Variants in DAB1 observed in about 807,000 individuals in gnomAD.
DAB1 encodes DAB adaptor protein 1, also known as disabled homolog 1.
A neutral mutation model predicts 64.6 loss-of-function variants in DAB1; 15 were observed. That is an observed-to-expected ratio of 0.23 (90% CI 0.16 to 0.36). The LOEUF (loss-of-function observed/expected upper bound fraction) is 0.36. DAB1 is among the 10% of genes least tolerant of loss of function. The pLI, the probability that DAB1 is intolerant of heterozygous loss-of-function variation, is 1.00. For missense variants in DAB1, 596 were observed against 706.7 expected (o/e 0.84, Z 1.78); for synonymous variants, 235 against 251.9 (o/e 0.93, Z 0.64).
chr1:57,989,970 G>T (rs1187998), intron 5 of DAB1, among the ~76,000 whole-genome samples: 129,726 of 152,080 alleles, frequency 0.85, 55,721 homozygotes, highest in South Asian at 0.95. Context: ...AGGTAAATCA[G>T]GCACCATTTC....
intron 1 of DAB1, among the ~76,000 whole-genome samples, chr1:57,847,622 G>A (rs1653348597): frequency 6.6e-6 from 1 of 152,072 alleles, no homozygotes; most frequent in African/African-American, 2.4e-5. Flanking sequence ...ACATTTCAAA[G>A]TAGAATTCAG....
intron 1 of DAB1, among the ~76,000 whole-genome samples, chr1:57,351,751 C>T (rs1488959844): frequency 6.6e-6 from 1 of 152,088 alleles, no homozygotes; most frequent in Non-Finnish European, 1.5e-5. Flanking sequence ...GCAAGCAGAA[C>T]TCAGCTAAGG....
intron 1 of DAB1, chr1:57,862,493 A>C (rs550321829): frequency 6.6e-6 from 1 of 152,202 alleles, no homozygotes; most frequent in African/African-American, 2.4e-5. Flanking sequence ...TGCTCCGCTT[A>C]GGGAACTTGG....
chr1:57,741,629 A>T (rs1647999901), intron 6 of DAB1, among the ~76,000 whole-genome samples: 2 of 152,252 alleles, frequency 1.3e-5, no homozygotes, highest in Admixed American at 1.3e-4. Context: ...GAGTGAAAGC[A>T]GACTGCTTCT....
intron 1 of DAB1, among the ~76,000 whole-genome samples, chr1:57,392,379 A>G (rs1682452836): frequency 6.6e-6 from 1 of 152,118 alleles, no homozygotes; most frequent in South Asian, 2.1e-4. Flanking sequence ...CAAAACAACA[A>G]CAACAACGAC....
chr1:57,603,379 A>T (rs1378508679), intron 7 of DAB1, among the ~76,000 whole-genome samples: 1 of 152,150 alleles, frequency 6.6e-6, no homozygotes, highest in African/African-American at 2.4e-5. Context: ...TTATTTTCCT[A>T]TAGCCCGGAA....
intron 1 of DAB1, among the ~76,000 whole-genome samples, chr1:57,378,174 C>T (rs1369341099): frequency 6.6e-6 from 1 of 152,164 alleles, no homozygotes; most frequent in Admixed American, 6.6e-5. Flanking sequence ...AAAAGACGTC[C>T]AGCTCAAACC....
At chr1:57,120,338 A>C (rs924934525) in intron 4 of DAB1, among the ~76,000 whole-genome samples, 1 of 152,190 alleles carries the variant, frequency 6.6e-6, no homozygotes, top group African/African-American at 2.4e-5. Context: ...CTACAAGGTA[A>C]GGGTTTAGTA....
At chr1:57,746,759 C>A (rs369816837) in intron 6 of DAB1, among the ~76,000 whole-genome samples, 265 of 152,060 alleles carry the variant, frequency 1.7e-3, no homozygotes, top group African/African-American at 6.1e-3. Context: ...ATTTTTATTT[C>A]TATTATTTTG....
chr1:57,246,006 T>G (rs1668844075), intron 2 of DAB1, among the ~76,000 whole-genome samples: 1 of 152,180 alleles, frequency 6.6e-6, no homozygotes, highest in South Asian at 2.1e-4. Flanking sequence ...GAACTTATAT[T>G]TAAAAGGGAA....
At chr1:57,179,758 C>T (rs2100962386) in intron 2 of DAB1, among the ~76,000 whole-genome samples, 1 of 152,152 alleles carries the variant, frequency 6.6e-6, no homozygotes, top group South Asian at 2.1e-4. Flanking sequence ...CGTTTGTGCA[C>T]CTGAGACAAT....
chr1:57,333,745 A>G (rs1400718146), intron 1 of DAB1, among the ~76,000 whole-genome samples: 3 of 152,162 alleles, frequency 2.0e-5, no homozygotes, highest in Non-Finnish European at 4.4e-5. Context: ...ATAAAGTAAT[A>G]TCTATTAACT....
intron 11 of DAB1, among the ~76,000 whole-genome samples, chr1:57,017,389 C>A (rs189211052): frequency 6.6e-6 from 1 of 152,126 alleles, no homozygotes; most frequent in East Asian, 1.9e-4. Context: ...GTGGGCGTTA[C>A]GGCATTGATG....
intron 3 of DAB1, among the ~76,000 whole-genome samples, chr1:58,473,650 T>G (rs1160748806): frequency 6.6e-6 from 1 of 152,190 alleles, no homozygotes. Context: ...AGCTACTGCA[T>G]GTATTTCAGA....
intron 3 of DAB1, among the ~76,000 whole-genome samples, chr1:58,505,787 A>G (rs1645978866): frequency 6.6e-6 from 1 of 152,206 alleles, no homozygotes; most frequent in South Asian, 2.1e-4. Context: ...TTAAACTTTC[A>G]TCAAGTCAGT....
At chr1:57,690,077 T>C (rs1646745692) in intron 6 of DAB1, among the ~76,000 whole-genome samples, 1 of 152,214 alleles carries the variant, frequency 6.6e-6, no homozygotes, top group Admixed American at 6.5e-5. Flanking sequence ...TTGTTGCAAA[T>C]GACAGGATCT....
At chr1:57,324,521 T>C (rs1675996564) in intron 1 of DAB1, among the ~76,000 whole-genome samples, 1 of 152,208 alleles carries the variant, frequency 6.6e-6, no homozygotes, top group Non-Finnish European at 1.5e-5. Context: ...AATGTGGGTC[T>C]TGGAGTCCAT....
chr1:58,058,835 T>C (rs1475728953), intron 5 of DAB1, among the ~76,000 whole-genome samples: 1 of 152,240 alleles, frequency 6.6e-6, no homozygotes, highest in Non-Finnish European at 1.5e-5. Flanking sequence ...CACACATTCA[T>C]TGAACTATCT....
chr1:57,546,992 AT>A (rs567222282), intron 7 of DAB1, among the ~76,000 whole-genome samples: 52 of 151,974 alleles, frequency 3.4e-4, no homozygotes, highest in Admixed American at 5.2e-4. Context: ...TATTAATCGT[AT>A]TTTTTTTAAT....
Sources: gnomAD v4.1 joint callset for allele counts (sites outside exome capture counted in the v4.1 genomes callset) on GRCh38, gnomAD v4.1.1 for gene constraint, MANE v1.5 for transcripts, NCBI Gene and HGNC (gene_info 2026-07-23, HGNC 2026-07-21) for gene names.